ADGRB3: variants seen among roughly 807,000 people sequenced by gnomAD.
ADGRB3 encodes the protein brain-specific angiogenesis inhibitor 3.
A neutral mutation model predicts 193.4 loss-of-function variants in ADGRB3; 37 were observed. The ratio of observed to expected loss-of-function variants is 0.19; its 90% CI spans 0.15 to 0.25. The LOEUF (loss-of-function observed/expected upper bound fraction) is 0.25. ADGRB3 is among the 10% of genes least tolerant of loss of function. The pLI, the probability that ADGRB3 is intolerant of heterozygous loss-of-function variation, is 1.00. For missense variants in ADGRB3, 1,637 were observed against 1,852.9 expected, an observed-to-expected ratio of 0.88 and a Z score of 2.14; for synonymous variants, 690 against 644.2, an observed-to-expected ratio of 1.07 and a Z score of -1.08.
intron 3 of ADGRB3, among the ~76,000 whole-genome samples, chr6:68,685,388 G>T (rs1764964454): frequency 6.6e-6 from 1 of 151,866 alleles, no homozygotes; most frequent in African/African-American, 2.4e-5. Flanking sequence ...TTAAAAATAT[G>T]AGAGCCAAAA....
intron 20 of ADGRB3, among the ~76,000 whole-genome samples, chr6:69,274,620 TCC>T (rs1213914906): frequency 0.015 from 1,401 of 93,604 alleles, 32 homozygotes; most frequent in African/African-American, 0.047. Flanking sequence ...CCTCCCTCCC[TCC>T]CTTCCTTCCT....
At chr6:68,790,262 G>T (rs1363136692) in intron 3 of ADGRB3, among the ~76,000 whole-genome samples, 1 of 152,130 alleles carries the variant, frequency 6.6e-6, no homozygotes, top group East Asian at 1.9e-4. Context: ...GGAGGCTGGG[G>T]GAGGGGTGCC....
chr6:68,780,119 A>G (rs1202305229), intron 3 of ADGRB3, among the ~76,000 whole-genome samples: 1 of 152,076 alleles, frequency 6.6e-6, no homozygotes, highest in African/African-American at 2.4e-5. Context: ...GAGTAACTGC[A>G]GGGATATTCA....
intron 3 of ADGRB3, among the ~76,000 whole-genome samples, chr6:68,834,416 A>T (rs950528041): frequency 3.3e-5 from 5 of 152,194 alleles, no homozygotes; most frequent in African/African-American, 1.2e-4. Flanking sequence ...TATTAAGAGA[A>T]TAATGGTACT....
intron 20 of ADGRB3, among the ~76,000 whole-genome samples, chr6:69,292,927 T>C (rs1582610207): frequency 1.3e-5 from 2 of 148,324 alleles, no homozygotes; most frequent in Admixed American, 1.3e-4. Context: ...TGTCCATGTG[T>C]TCTCAACCTC....
intron 13 of ADGRB3, among the ~76,000 whole-genome samples, chr6:69,029,217 T>G: frequency 6.6e-6 from 1 of 152,348 alleles, no homozygotes; most frequent in Non-Finnish European, 1.5e-5. Flanking sequence ...CAAGGTAAAA[T>G]GACTCCTGAC....
intron 17 of ADGRB3, among the ~76,000 whole-genome samples, chr6:69,104,258 T>C (rs1773148029): frequency 6.9e-6 from 1 of 144,716 alleles, no homozygotes. Context: ...CATTGTTCAA[T>C]TCCCACCTAT....
chr6:69,037,161 A>C (rs1433812441), intron 13 of ADGRB3, among the ~76,000 whole-genome samples: 1 of 152,092 alleles, frequency 6.6e-6, no homozygotes. Context: ...TGACCCCCAG[A>C]TGTGTGGTTT....
intron 3 of ADGRB3, among the ~76,000 whole-genome samples, chr6:68,673,704 CT>C (rs1018975090): frequency 2.2e-4 from 33 of 151,992 alleles, no homozygotes; most frequent in Non-Finnish European, 3.7e-4. Context: ...ATTTCCCTGG[CT>C]TTTTTTTCAG....
chr6:68,904,007 AGG>A (rs374044826), intron 3 of ADGRB3, among the ~76,000 whole-genome samples: 1 of 141,242 alleles, frequency 7.1e-6, no homozygotes, highest in African/African-American at 2.6e-5. Context: ...AAAAAAAAAA[AGG>A]GGAGAAGAAG....
intron 3 of ADGRB3, among the ~76,000 whole-genome samples, chr6:68,894,915 T>C (rs1766177483): frequency 6.6e-6 from 1 of 151,896 alleles, no homozygotes; most frequent in Non-Finnish European, 1.5e-5. Context: ...CAAGATCCCA[T>C]TATCAGTAGG....
Position 69,230,323 on chromosome 6 carries a change from T to C in ADGRB3, c.2481-2967T>C, listed in dbSNP as rs144857549. Among the ~76,000 whole-genome samples, 235 of 152,298 alleles carry C rather than the reference T, an allele frequency of 1.5e-3. 2 individuals carry two copies. Among genetic ancestry groups the C allele is most frequent in the Admixed American group, 4.6e-3 (70 of 15,292 alleles). The stretch of plus-strand genomic sequence containing the variant: ...CATAATTAAGAATAATGCACAGATA[T>C]ACATTTATTATAGCATGCAAAACTG... On this transcript the variant is annotated intron_variant, in intron 17 of 31. Transcript: ENST00000370598.
At chr6:69,127,576 G>A (rs548141565) in intron 17 of ADGRB3, among the ~76,000 whole-genome samples, 1 of 152,008 alleles carries the variant, frequency 6.6e-6, no homozygotes, top group African/African-American at 2.4e-5. Flanking sequence ...CTAAAAATGA[G>A]GATAAAATAT....
chr6:69,356,682 C>T (rs1007784550), intron 28 of ADGRB3, among the ~76,000 whole-genome samples: 4 of 151,976 alleles, frequency 2.6e-5, no homozygotes, highest in South Asian at 2.1e-4. Flanking sequence ...TTATCAAGTA[C>T]GGAATATGGG....
intron 3 of ADGRB3, among the ~76,000 whole-genome samples, chr6:68,828,115 A>G (rs766183486): frequency 1.3e-5 from 2 of 152,222 alleles, no homozygotes; most frequent in Admixed American, 6.5e-5. Flanking sequence ...TGATAAGCCT[A>G]TTATGAACTA....
chr6:68,964,156 T>C (rs796741912), intron 8 of ADGRB3, among the ~76,000 whole-genome samples: 7 of 152,354 alleles, frequency 4.6e-5, no homozygotes, highest in African/African-American at 1.7e-4. Context: ...ATTTTTTATA[T>C]TGTAGTTATA....
At chr6:68,811,793 A>T (rs1404949171) in intron 3 of ADGRB3, among the ~76,000 whole-genome samples, 1 of 152,152 alleles carries the variant, frequency 6.6e-6, no homozygotes, top group Non-Finnish European at 1.5e-5. Context: ...CTTAAAGCAA[A>T]TACAGAACAT....
At chr6:69,113,747 C>T (rs1309237493) in intron 17 of ADGRB3, among the ~76,000 whole-genome samples, 1 of 152,000 alleles carries the variant, frequency 6.6e-6, no homozygotes, top group Non-Finnish European at 1.5e-5. Context: ...TATTCAAGGC[C>T]TTTTCGTGAG....
intron 13 of ADGRB3, among the ~76,000 whole-genome samples, chr6:69,040,925 T>G (rs1771048487): frequency 6.6e-6 from 1 of 152,160 alleles, no homozygotes; most frequent in Non-Finnish European, 1.5e-5. Context: ...CAAAGAATCT[T>G]TCTCTTTAAA....
Sources: gnomAD v4.1 joint callset for allele counts (sites outside exome capture counted in the v4.1 genomes callset) on GRCh38, gnomAD v4.1.1 for gene constraint, MANE v1.5 for transcripts, NCBI Gene and HGNC (gene_info 2026-07-23, HGNC 2026-07-21) for gene names.